The following VWA3B variants were observed in gnomAD, a reference collection of about 807,000 sequenced individuals.
VWA3B encodes von Willebrand factor A domain containing 3B, also known as von Willebrand factor A domain-containing protein 3B.
In VWA3B, 138 loss-of-function variants were observed where a neutral mutation model predicts 158.3. The observed-to-expected ratio is 0.87, with a 90% CI of 0.76 to 1.00. VWA3B has a LOEUF of 1.00. Ranked by LOEUF, VWA3B falls within the 50% of genes least tolerant of loss-of-function variation. The pLI is 0.00. For missense variants in VWA3B, 1,555 were observed against 1,565.1 expected (o/e 0.99, Z 0.11); for synonymous variants, 596 against 587.3 (o/e 1.01, Z -0.21).
chr2:98,168,433 A>T (rs573234566), intron 8 of VWA3B, among the ~76,000 whole-genome samples: 15 of 151,692 alleles, frequency 9.9e-5, no homozygotes, highest in Non-Finnish European at 1.6e-4. Flanking sequence ...AATAACTCTA[A>T]GCAGAAATTT....
At chr2:98,315,473 G>A (rs940371955), downstream of VWA3B, among the ~76,000 whole-genome samples, 1 of 152,206 alleles carries the variant, frequency 6.6e-6, no homozygotes, top group Non-Finnish European at 1.5e-5. Flanking sequence ...TGGGTACAAG[G>A]TGAATCCTTG....
chr2:98,316,548 G>A (rs752026685), downstream of VWA3B, among the ~76,000 whole-genome samples: 7 of 151,568 alleles, frequency 4.6e-5, no homozygotes, highest in African/African-American at 7.3e-5. Flanking sequence ...GGGTGGGGCT[G>A]AAGTGGGAGA....
chr2:98,239,507 G>A (rs1403327414), intron 19 of VWA3B, among the ~76,000 whole-genome samples: 3 of 151,596 alleles, frequency 2.0e-5, no homozygotes, highest in Non-Finnish European at 2.9e-5. Context: ...GTTTAGCTGG[G>A]TGGTGAGATT....
At chr2:98,255,498 C>T (rs1558732424) in intron 20 of VWA3B, among the ~76,000 whole-genome samples, 1 of 152,020 alleles carries the variant, frequency 6.6e-6, no homozygotes, top group African/African-American at 2.4e-5. Flanking sequence ...AAAAGAGCAG[C>T]TATAGCTACC....
intron 14 of VWA3B, among the ~76,000 whole-genome samples, chr2:98,227,387 C>A (rs897363622): frequency 2.6e-5 from 4 of 152,152 alleles, no homozygotes; most frequent in Non-Finnish European, 2.9e-5. Flanking sequence ...AATCATTCTA[C>A]TCCTAGATAT....
At chr2:98,176,849 G>A (rs767036525) in intron 8 of VWA3B, among the ~76,000 whole-genome samples, 14 of 152,206 alleles carry the variant, frequency 9.2e-5, no homozygotes, top group African/African-American at 3.4e-4. Context: ...CTGAGTAGAA[G>A]CCACTGACAT....
chr2:98,166,754 C>T (rs1679105014), intron 8 of VWA3B, among the ~76,000 whole-genome samples: 1 of 150,768 alleles, frequency 6.6e-6, no homozygotes, highest in African/African-American at 2.5e-5. Context: ...TTATAAGCCT[C>T]AGATACTGGG....
At chr2:98,152,780 G>T (rs1199285332) in intron 7 of VWA3B, among the ~76,000 whole-genome samples, 1 of 152,184 alleles carries the variant, frequency 6.6e-6, no homozygotes, top group Non-Finnish European at 1.5e-5. Context: ...TTCTGAGATG[G>T]TGTGATGTCA....
chr2:98,186,176 T>TG (rs33989621), intron 9 of VWA3B, among the ~76,000 whole-genome samples: 3 of 151,014 alleles, frequency 2.0e-5, no homozygotes, highest in Admixed American at 6.6e-5. Context: ...TTTTTTTTTT[T>TG]GCAGAATATA....
At chr2:98,327,425 A>G in the VWA3B span, among the ~76,000 whole-genome samples, 3 of 152,238 alleles carry the variant, frequency 2.0e-5, no homozygotes, top group African/African-American at 2.4e-5. Context: ...ATGAAAGCAA[A>G]TTAGTATATA....
At chr2:98,241,063 TG>T (rs1327295020) in intron 19 of VWA3B, among the ~76,000 whole-genome samples, 1 of 151,672 alleles carries the variant, frequency 6.6e-6, no homozygotes, top group Non-Finnish European at 1.5e-5. Flanking sequence ...ATGTGACGAG[TG>T]GGAAGTGCTG....
chr2:98,298,037 C>T lies in VWA3B; in HGVS notation c.3282+6C>T. On this transcript the variant is annotated splice_donor_region_variant and intron_variant, in intron 24 of 27. Coordinates refer to ENST00000477737, the MANE Select transcript of VWA3B (RefSeq NM_144992.5). ...TGCCCTGCCCGCTGCTCCAGGTACC[C>T]AGTCCCTGATGTGTTCTGGGGCCCC... 1 of 1,549,414 alleles carries T rather than the reference C, an allele frequency of 6.5e-7. No homozygotes were observed. Among genetic ancestry groups the T allele is most frequent in the Non-Finnish European group, 8.7e-7 (1 of 1,150,288 alleles).
At chr2:98,162,685 T>C (rs1678717383) in intron 7 of VWA3B, among the ~76,000 whole-genome samples, 166 bp from the exon 8 acceptor site, 1 of 152,214 alleles carries the variant, frequency 6.6e-6, no homozygotes. Flanking sequence ...ATCACTTCCT[T>C]GGGGATTTCA....
chr2:98,236,528 A>G, intron 18 of VWA3B, 46 bp from the exon 19 acceptor site: 3 of 1,613,870 alleles, frequency 1.9e-6, no homozygotes, highest in Non-Finnish European at 2.5e-6. Context: ...CTGTTGGTTA[A>G]CCATCAAGTT....
chr2:98,151,420 G>A (rs796425967), intron 7 of VWA3B, among the ~76,000 whole-genome samples: 4 of 152,130 alleles, frequency 2.6e-5, no homozygotes, highest in African/African-American at 4.8e-5. Flanking sequence ...GGGTATATTC[G>A]TATTGTGGTG....
chr2:98,218,698 GT>G (rs935573327), intron 14 of VWA3B, among the ~76,000 whole-genome samples: 31 of 152,328 alleles, frequency 2.0e-4, no homozygotes, highest in African/African-American at 7.5e-4. Context: ...TAGGGTGTGT[GT>G]TTTTTGTTTT....
chr2:98,303,557 C>G, intron 25 of VWA3B, 145 bp from the exon 26 acceptor site: 1 of 692,974 alleles, frequency 1.4e-6, no homozygotes, highest in Non-Finnish European at 2.4e-6. Flanking sequence ...AAGTGAGGGT[C>G]TGAATTTGAA....
chr2:98,229,925 G>C, intron 15 of VWA3B, 125 bp from the exon 16 acceptor site: 2 of 1,074,430 alleles, frequency 1.9e-6, no homozygotes, highest in Non-Finnish European at 2.6e-6. Context: ...ACCCAGATGG[G>C]GGAAGGCTTA....
chr2:98,274,543 C>T (rs2105898633), intron 22 of VWA3B, among the ~76,000 whole-genome samples: 1 of 152,222 alleles, frequency 6.6e-6, no homozygotes, highest in East Asian at 1.9e-4. Context: ...AGCCTGGGCT[C>T]AGGCAGGGAT....
Sources: gnomAD v4.1 joint callset for allele counts (sites outside exome capture counted in the v4.1 genomes callset) on GRCh38, gnomAD v4.1.1 for gene constraint, MANE v1.5 for transcripts, NCBI Gene and HGNC (gene_info 2026-07-23, HGNC 2026-07-21) for gene names.